RHPN2: variants seen among roughly 807,000 people sequenced by gnomAD.
RHPN2 encodes rhophilin-2.
In RHPN2, 40 loss-of-function variants were observed where a neutral mutation model predicts 79.0. The ratio of observed to expected loss-of-function variants is 0.51; its 90% CI spans 0.39 to 0.66. The LOEUF (loss-of-function observed/expected upper bound fraction) is 0.66, where lower values mean the gene tolerates loss of function less well. Among genes scored for constraint, RHPN2 ranks in the 30% least tolerant of loss-of-function variants. The pLI, the probability that RHPN2 is intolerant of heterozygous loss-of-function variation, is 0.00. For missense variants in RHPN2, 686 were observed against 883.5 expected, an observed-to-expected ratio of 0.78 and a Z score of 2.83; for synonymous variants, 285 against 363.5, an observed-to-expected ratio of 0.78 and a Z score of 2.46.
intron 4 of RHPN2, among the ~76,000 whole-genome samples, chr19:33,017,703 TAAA>T (rs758409340): frequency 1.6e-4 from 16 of 98,112 alleles, no homozygotes; most frequent in Non-Finnish European, 2.9e-4. Flanking sequence ...CCCCATCTCT[TAAA>T]AAAAAAAAAA....
intron 9 of RHPN2, among the ~76,000 whole-genome samples, chr19:33,001,605 T>G (rs1971749731): frequency 6.6e-6 from 1 of 152,062 alleles, no homozygotes; most frequent in Admixed American, 6.6e-5. Flanking sequence ...AATTTTTATT[T>G]TATTATTATT....
intron 7 of RHPN2, among the ~76,000 whole-genome samples, chr19:33,007,123 T>A (rs1158715191): frequency 1.3e-5 from 2 of 152,126 alleles, no homozygotes; most frequent in Admixed American, 1.3e-4. Flanking sequence ...ATCCTTTGAA[T>A]GCATCACTTG....
intron 7 of RHPN2, among the ~76,000 whole-genome samples, chr19:33,004,973 T>C (rs535416402): frequency 2.0e-5 from 3 of 151,706 alleles, no homozygotes; most frequent in Non-Finnish European, 4.4e-5. Context: ...ACAACTCCTG[T>C]GTCACCTGGG....
At position 33,002,901 on chromosome 19, in the gene RHPN2, G is replaced by A. The variant is rs376832768; in HGVS notation, c.860C>T (p.Ala287Val). The change falls in exon 8 of 15, where the codon GCC (alanine) becomes GTC (valine). Residue 287 changes from alanine to valine, a missense_variant. Coordinates refer to ENST00000254260, the MANE Select transcript of RHPN2 (RefSeq NM_033103.5). The part of the protein sequence containing the change: ...SVLVKMMLAQ[A>V]QESVFEKISL... ...GATTTTCTCAAACACGCTTTCTTGG[G>A]CTTGTGCAAGCATCATTTTGACGAG... 1.9e-6 allele frequency: 3 copies of A among 1,613,804 alleles called. No individual in the cohort carries two copies. Among genetic ancestry groups the A allele is most frequent in the African/African-American group, 2.7e-5 (2 of 74,904 alleles).
intron 2 of RHPN2, among the ~76,000 whole-genome samples, chr19:33,032,016 C>A (rs1233263961): frequency 1.1e-5 from 1 of 91,388 alleles, no homozygotes; most frequent in Non-Finnish European, 2.1e-5. Flanking sequence ...CCGGGCCGGT[C>A]TTTTTTTTTT....
chr19:33,030,123 G>A (rs938131151), intron 2 of RHPN2, among the ~76,000 whole-genome samples: 10 of 152,258 alleles, frequency 6.6e-5, no homozygotes, highest in South Asian at 2.1e-4. Context: ...GAGAACACTC[G>A]TAAAATCGAA....
At chr19:33,054,499 C>T (rs902336417) in intron 1 of RHPN2, among the ~76,000 whole-genome samples, 5 of 152,130 alleles carry the variant, frequency 3.3e-5, no homozygotes, top group African/African-American at 9.7e-5. Context: ...TGTGCTGGTC[C>T]CCTTTTCTCT....
Position 33,037,805 on chromosome 19 carries a change from G to A in RHPN2, c.185+6444C>T, listed in dbSNP as rs569684349. The stretch of plus-strand genomic sequence containing the variant: ...AAGCACTGTAACACCGCGAGGGTCC[G>A]TCGCTTCATTCTTGAAGTCAGTGAG... On this transcript the variant is annotated intron_variant, in intron 2 of 14. Coordinates refer to ENST00000254260, the MANE Select transcript of RHPN2 (RefSeq NM_033103.5). Among the ~76,000 whole-genome samples, 11 of 152,294 alleles carry A rather than the reference G, an allele frequency of 7.2e-5. 1 individual carries two copies. Among genetic ancestry groups the A allele is most frequent in the African/African-American group, 1.2e-4 (5 of 41,570 alleles).
intron 2 of RHPN2, among the ~76,000 whole-genome samples, chr19:33,035,100 G>A (rs1353569225): frequency 1.3e-5 from 2 of 152,018 alleles, no homozygotes; most frequent in African/African-American, 4.8e-5. Flanking sequence ...CCAAGTAGCT[G>A]GAGTTACAGT....
intron 4 of RHPN2, among the ~76,000 whole-genome samples, chr19:33,018,506 T>C (rs1310021299): frequency 6.6e-6 from 1 of 152,190 alleles, no homozygotes; most frequent in African/African-American, 2.4e-5. Context: ...GCTGTGGCAG[T>C]GTGGCATAAA....
intron 2 of RHPN2, among the ~76,000 whole-genome samples, chr19:33,043,806 A>G (rs544718270): frequency 6.6e-6 from 1 of 152,202 alleles, no homozygotes; most frequent in South Asian, 2.1e-4. Flanking sequence ...GAGCCCTCTC[A>G]TTAGCAAGGT....
At chr19:33,002,224 C>T in intron 9 of RHPN2, 23 bp downstream of exon 9, 4 of 1,610,960 alleles carry the variant, frequency 2.5e-6, no homozygotes, top group Non-Finnish European at 3.4e-6. Flanking sequence ...CCTCGCCAAA[C>T]TCCCGAACCC....
chr19:33,023,796 A>AG (rs1971944819), intron 3 of RHPN2, among the ~76,000 whole-genome samples: 1 of 151,440 alleles, frequency 6.6e-6, no homozygotes, highest in Non-Finnish European at 1.5e-5. Context: ...AAAAAAAAAA[A>AG]AAAGAAAAAA....
intron 4 of RHPN2, among the ~76,000 whole-genome samples, chr19:33,017,985 C>T (rs769838306): frequency 3.9e-5 from 6 of 152,132 alleles, no homozygotes; most frequent in African/African-American, 1.2e-4. Flanking sequence ...GAAACCCCGT[C>T]TCTACTAAAA....
intron 1 of RHPN2, among the ~76,000 whole-genome samples, chr19:33,046,728 T>G (rs1469455743): frequency 6.6e-6 from 1 of 152,238 alleles, no homozygotes; most frequent in Non-Finnish European, 1.5e-5. Flanking sequence ...AGCTACCTTA[T>G]GTGTGTGCTG....
intron 4 of RHPN2, among the ~76,000 whole-genome samples, chr19:33,018,937 A>G (rs1971900426): frequency 6.6e-6 from 1 of 151,326 alleles, no homozygotes; most frequent in Non-Finnish European, 1.5e-5. Context: ...AGGCTGAAGC[A>G]GGAGAATCAC....
In RHPN2 at chr19:32,991,884, A is replaced by T; in HGVS notation, c.1583T>A (p.Phe528Tyr). Residue 528 changes from phenylalanine to tyrosine, a missense_variant, in exon 13 of 15, where the codon TTC (phenylalanine) becomes TAC (tyrosine). Physicochemically the swap from Phe to Tyr is conservative, Grantham distance 22 (BLOSUM62 3). Coordinates refer to ENST00000254260, the MANE Select transcript of RHPN2 (RefSeq NM_033103.5). ...RFTAEEGDLG[F>Y]TLRGNAPVQV... Reference sequence around the variant, plus strand: ...AACGGGGGCGTTCCCTCTCAAGGTGAACCCCAAGTCCCCTTCTTCTGCAGT... The same window carrying T: ...AACGGGGGCGTTCCCTCTCAAGGTGTACCCCAAGTCCCCTTCTTCTGCAGT... 1 of 1,613,976 alleles carries T rather than the reference A, an allele frequency of 6.2e-7. No homozygotes were observed. The highest frequency in any genetic ancestry group is 1.7e-5 in the Admixed American group (1 of 59,998).
At chr19:33,035,640 G>A (rs1972050170) in intron 2 of RHPN2, among the ~76,000 whole-genome samples, 1 of 152,102 alleles carries the variant, frequency 6.6e-6, no homozygotes, top group Non-Finnish European at 1.5e-5. Context: ...TTTGAGTGAG[G>A]GCTGGAAAAA....
intron 4 of RHPN2, among the ~76,000 whole-genome samples, chr19:33,016,639 C>T (rs1053872413): frequency 6.6e-6 from 1 of 152,114 alleles, no homozygotes; most frequent in Non-Finnish European, 1.5e-5. Context: ...CAAGATTGCG[C>T]CACTGCACTC....
Sources: allele counts gnomAD v4.1 joint callset (sites outside exome capture counted in the v4.1 genomes callset), GRCh38; gene constraint gnomAD v4.1.1; transcripts MANE v1.5; gene names NCBI Gene and HGNC (gene_info 2026-07-23, HGNC 2026-07-21).